The following ZNF544 variants were observed in gnomAD, a reference collection of about 807,000 sequenced individuals.
The protein encoded by ZNF544 is zinc finger protein AF020591.
A neutral mutation model predicts 13.5 loss-of-function variants in ZNF544; 10 were observed. That is an observed-to-expected ratio of 0.74 (90% confidence interval 0.46 to 1.25). ZNF544 has a LOEUF of 1.25. Among genes scored for constraint, ZNF544 ranks in the 50% most tolerant of loss-of-function variants. The probability of loss-of-function intolerance (pLI) is 0.00; values close to 1 mark genes in which losing one functional copy is unlikely to be tolerated. For synonymous variants in ZNF544, 323 were observed against 300.5 expected (o/e 1.07, Z -0.77); for missense variants, 896 against 845.6 (o/e 1.06, Z -0.74).
chr19:58,245,175 A>G (rs1418016740), intron 4 of ZNF544, among the ~76,000 whole-genome samples: 1 of 149,568 alleles, frequency 6.7e-6, no homozygotes, highest in African/African-American at 2.5e-5. Flanking sequence ...CCTGACCTCA[A>G]GTAATCCACC....
intron 5 of ZNF544, among the ~76,000 whole-genome samples, chr19:58,274,383 A>G (rs2051058129): frequency 1.3e-5 from 2 of 152,168 alleles, no homozygotes; most frequent in African/African-American, 4.8e-5. Flanking sequence ...GAGACAGACA[A>G]CTTGTCACGC....
chr19:58,263,280 G>A lies in ZNF544; in HGVS notation c.*526G>A. On this transcript the variant is annotated 3_prime_UTR_variant, in exon 7 of 7. Transcript: ENST00000687789. ...GTTTGAAACCAGCCTGGGTAACATG[G>A]CAAAATCCTGTCTTTACAAAAAATA... 1 of 874,508 alleles carries A rather than the reference G, an allele frequency of 1.1e-6. No individual in the cohort carries two copies. The highest frequency in any genetic ancestry group is 1.3e-6 in the Non-Finnish European group (1 of 742,520). 54.2% of individuals were successfully genotyped at this position (874,508 alleles called of 1,614,324 possible). A position where few individuals can be genotyped will look rare whatever the true frequency, so the allele number is the denominator to read the frequency against.
Position 58,261,170 on chromosome 19 carries a change from C to T in ZNF544, c.564C>T (p.Asn188=). 6.2e-7 allele frequency: 1 copy of T among 1,614,176 alleles called. No individual in the cohort carries two copies. The highest frequency in any genetic ancestry group is 8.5e-7 in the Non-Finnish European group (1 of 1,180,052). ...CAAGTACAGGTTTCCCTAAGCCCAA[C>T]TCACAAGTTAAAGAGTTGAAACAAA... is the stretch of plus-strand genomic sequence containing the variant. The part of the protein sequence containing the change: ...LPTSTGFPKP[N]SQVKELKQNS... Residue 188 remains asparagine, a synonymous_variant, in exon 7 of 7, where the codon AAC becomes AAT. Coordinates refer to ENST00000687789, the MANE Select transcript of ZNF544 (RefSeq NM_014480.4).
chr19:58,243,966 C>A lies in ZNF544; in HGVS notation c.-58C>A, dbSNP rs375313384. On this transcript the variant is annotated splice_region_variant and 5_prime_UTR_variant, in exon 4 of 7. The change creates a new upstream start codon in the 5' untranslated region. Coordinates refer to ENST00000687789, the MANE Select transcript of ZNF544 (RefSeq NM_014480.4). ...ATCTCTGCTTGTTTTCCACCCCAGA[C>A]TGGTCTTCTGAGGACCTCTGCCCTC... 10 of 1,569,334 alleles carry A rather than the reference C, an allele frequency of 6.4e-6. No individual in the cohort carries two copies. The highest frequency in any genetic ancestry group is 1.9e-5 in the Admixed American group (1 of 53,756).
intron 6 of ZNF544, chr19:58,259,637 C>G (rs1600380563): frequency 1.3e-5 from 2 of 152,300 alleles, no homozygotes; most frequent in Admixed American, 6.5e-5. Context: ...CAGATATCTT[C>G]TGCTGTGTCT....
At chr19:58,256,723 T>G (rs1361131376) in intron 6 of ZNF544, among the ~76,000 whole-genome samples, 1 of 151,910 alleles carries the variant, frequency 6.6e-6, no homozygotes, top group Non-Finnish European at 1.5e-5. Flanking sequence ...AATTGGGCTC[T>G]TTTGAAATGC....
At chr19:58,257,534 G>A (rs2047772013) in intron 6 of ZNF544, 3 of 152,180 alleles carry the variant, frequency 2.0e-5, no homozygotes, top group Non-Finnish European at 4.4e-5. Flanking sequence ...GTTGCAGGAG[G>A]GGACCAATCC....
chr19:58,261,911 G>A lies in ZNF544; in HGVS notation c.1305G>A (p.Pro435=), dbSNP rs370837170. The A allele has an allele frequency of 3.5e-5, 57 of 1,613,106 alleles. No homozygotes were observed. The highest frequency in any genetic ancestry group is 4.3e-5 in the Non-Finnish European group (51 of 1,179,860). ...THQRIHTGEK[P]YQCIECRKSF... is the part of the protein sequence containing the mutation. ...AGCGAATTCACACTGGAGAAAAACC[G>A]TATCAGTGTATTGAATGCAGAAAAT... is the stretch of plus-strand genomic sequence containing the variant. Residue 435 remains proline, a synonymous_variant, in exon 7 of 7, where the codon CCG becomes CCA. Transcript: ENST00000687789.
rs2049241119 is a variant in ZNF544, at chr19:58,262,676, T to C, written c.2070T>C (p.Cys690=). 1.2e-6 allele frequency: 2 copies of C among 1,613,058 alleles called. No homozygotes were observed. Among genetic ancestry groups the C allele is most frequent in the Non-Finnish European group, 1.7e-6 (2 of 1,179,278 alleles). ...ATTCTGGAGAGAAACCCTATGAATG[T>C]AGTGACTGTGGGAAATCCTTCCGGC... The part of the protein sequence containing the change: ...RIHSGEKPYE[C]SDCGKSFRQQ... The change falls in exon 7 of 7, where the codon TGT becomes TGC. Residue 690 remains cysteine (C), a synonymous_variant. Coordinates refer to ENST00000687789, the MANE Select transcript of ZNF544 (RefSeq NM_014480.4).
chr19:58,273,486 A>T (rs763863508), intron 5 of ZNF544, among the ~76,000 whole-genome samples: 3 of 151,936 alleles, frequency 2.0e-5, no homozygotes, highest in South Asian at 4.2e-4. Context: ...GTCAGGAGAT[A>T]GAGACCCGCC....
chr19:58,244,785 C>T (rs1299903375), intron 4 of ZNF544, among the ~76,000 whole-genome samples: 2 of 152,120 alleles, frequency 1.3e-5, no homozygotes, highest in Non-Finnish European at 2.9e-5. Flanking sequence ...CCATGTTGCT[C>T]AGGCTGGTCT....
rs1263077298 is a variant in ZNF544, at chr19:58,263,459, A to G, written c.*705A>G. 1 of 985,224 alleles carries G rather than the reference A, an allele frequency of 1.0e-6. No homozygotes were observed. Among genetic ancestry groups the G allele is most frequent in the African/African-American group, 1.7e-5 (1 of 57,196 alleles). 61.0% of individuals were successfully genotyped at this position (985,224 alleles called of 1,614,324 possible). On this transcript the variant is annotated 3_prime_UTR_variant, in exon 7 of 7. Coordinates refer to ENST00000687789, the MANE Select transcript of ZNF544 (RefSeq NM_014480.4). ...CTTGTGAGAGATTGAGACACTCTAAATAAATAATAACCAAGATGGGAAATT... is the reference window on the plus strand; with the variant it reads ...CTTGTGAGAGATTGAGACACTCTAAGTAAATAATAACCAAGATGGGAAATT...
chr19:58,268,268 TCC>T (rs2050187016), downstream of ZNF544, among the ~76,000 whole-genome samples: 1 of 152,028 alleles, frequency 6.6e-6, no homozygotes, highest in Non-Finnish European at 1.5e-5. Flanking sequence ...GCCATTACAC[TCC>T]AGCCTGGGCA....
In ZNF544 at chr19:58,261,753, A is replaced by G; in HGVS notation, c.1147A>G (p.Thr383Ala). Reference protein sequence around the residue: ...THTGEKPFECTQCGKSFSQSY... With the variant: ...THTGEKPFECAQCGKSFSQSY... Reference sequence around the variant, plus strand: ...CACTGGAGAAAAGCCCTTCGAATGTACTCAGTGTGGGAAATCTTTTAGCCA... The same window carrying G: ...CACTGGAGAAAAGCCCTTCGAATGTGCTCAGTGTGGGAAATCTTTTAGCCA... The change falls in exon 7 of 7, where the codon ACT (threonine) becomes GCT (alanine). Residue 383 changes from threonine (T) to alanine (A), a missense_variant. By Grantham distance (58) the Thr-to-Ala change is moderately conservative. Coordinates refer to ENST00000687789, the MANE Select transcript of ZNF544 (RefSeq NM_014480.4). The G allele has an allele frequency of 1.9e-6, 3 of 1,614,174 alleles. No individual in the cohort carries two copies. Among genetic ancestry groups the G allele is most frequent in the South Asian group, 2.2e-5 (2 of 91,080 alleles).
At chr19:58,250,419 C>G (rs1431558113) in intron 6 of ZNF544, among the ~76,000 whole-genome samples, 4 of 152,196 alleles carry the variant, frequency 2.6e-5, no homozygotes, top group African/African-American at 9.6e-5. Context: ...ATGATCATAG[C>G]TAGTGGGCTT....
In ZNF544 at chr19:58,261,174, C is replaced by A; in HGVS notation, c.568C>A (p.Gln190Lys). 6.2e-7 allele frequency: 1 copy of A among 1,614,128 alleles called. No individual in the cohort carries two copies. Among genetic ancestry groups the A allele is most frequent in the South Asian group, 1.1e-5 (1 of 91,082 alleles). Residue 190 changes from glutamine (Q) to lysine (K), a missense_variant, in exon 7 of 7, where the codon CAA becomes AAA. Transcript: ENST00000687789. ...TACAGGTTTCCCTAAGCCCAACTCA[C>A]AAGTTAAAGAGTTGAAACAAAATTC... Reference protein sequence around the residue: ...TSTGFPKPNSQVKELKQNSAF... With the variant: ...TSTGFPKPNSKVKELKQNSAF...
At chr19:58,244,641 T>C (rs1264067992) in intron 4 of ZNF544, among the ~76,000 whole-genome samples, 1 of 151,990 alleles carries the variant, frequency 6.6e-6, no homozygotes, top group Non-Finnish European at 1.5e-5. Flanking sequence ...AGCGGCATGA[T>C]CTTGGCTCAC....
chr19:58,271,610 A>AC (rs1295566044), intron 5 of ZNF544, among the ~76,000 whole-genome samples: 12 of 152,198 alleles, frequency 7.9e-5, no homozygotes, highest in African/African-American at 2.9e-4. Context: ...TCAAAAAAAA[A>AC]GTGATGTCGG....
intron 6 of ZNF544, among the ~76,000 whole-genome samples, chr19:58,254,049 C>G (rs2046771976): frequency 6.6e-6 from 1 of 152,070 alleles, no homozygotes; most frequent in Non-Finnish European, 1.5e-5. Context: ...ATGGTGAAAC[C>G]CCATCTCTAC....
Sources: gnomAD v4.1 joint callset for allele counts (sites outside exome capture counted in the v4.1 genomes callset) on GRCh38, gnomAD v4.1.1 for gene constraint, MANE v1.5 for transcripts, NCBI Gene and HGNC (gene_info 2026-07-23, HGNC 2026-07-21) for gene names.